Variants in MYH10 observed in about 807,000 individuals in gnomAD.
MYH10 encodes the protein myosin heavy chain 10.
Under a neutral mutation model 257.8 loss-of-function variants are expected in MYH10, and 55 were observed. That is an observed-to-expected ratio of 0.21 (90% CI 0.17 to 0.27). MYH10 has a LOEUF of 0.27. Ranked by LOEUF, MYH10 falls within the 10% of genes least tolerant of loss-of-function variation. MYH10 has a pLI of 1.00. For missense variants in MYH10, 1,631 were observed against 2,500.6 expected (o/e 0.65, Z 7.42); for synonymous variants, 854 against 921.7 (o/e 0.93, Z 1.33).
intron 7 of MYH10, among the ~76,000 whole-genome samples, chr17:8,558,586 C>T (rs2082885420): frequency 6.6e-6 from 1 of 152,134 alleles, no homozygotes; most frequent in Admixed American, 6.5e-5. Flanking sequence ...TAAGTTGTAA[C>T]ATCTACTATG....
intron 3 of MYH10, among the ~76,000 whole-genome samples, chr17:8,598,563 AATTGTCT>A (rs759840004): frequency 2.0e-5 from 3 of 152,188 alleles, no homozygotes; most frequent in Non-Finnish European, 4.4e-5. Context: ...ATTAGCAAAA[AATTGTCT>A]ATTATCTATT....
chr17:8,571,719 C>T (rs539635997), intron 6 of MYH10, among the ~76,000 whole-genome samples: 13 of 152,060 alleles, frequency 8.5e-5, no homozygotes, highest in African/African-American at 3.1e-4. Flanking sequence ...GATCGCACCA[C>T]TGCACTCCAG....
At chr17:8,611,565 A>AAAAACAAAAC (rs539705620) in intron 2 of MYH10, among the ~76,000 whole-genome samples, 9 of 152,186 alleles carry the variant, frequency 5.9e-5, no homozygotes, top group African/African-American at 2.2e-4. Flanking sequence ...TCTAAAACTG[A>AAAAACAAAAC]AAAACAAAAC....
chr17:8,533,248 G>A (rs1372213759), intron 16 of MYH10, among the ~76,000 whole-genome samples: 1 of 152,144 alleles, frequency 6.6e-6, no homozygotes, highest in East Asian at 1.9e-4. Context: ...ACCTACTGAT[G>A]CTATTTATTC....
rs993916809 is a variant in MYH10 at position 8,552,532 on chromosome 17, C to A, written c.821-388G>T. On this transcript the variant is annotated intron_variant, in intron 8 of 42. Coordinates refer to ENST00000360416, the MANE Select transcript of MYH10 (RefSeq NM_001256012.3). The surrounding 1 kb of genome is among the most constrained non-coding windows in gnomAD (Gnocchi z 4.8). ...TAAGGCAGGAGAAGCTCTATAATACCAGATTAACACAATTTTATAAATAAG... is the reference window on the plus strand; with the variant it reads ...TAAGGCAGGAGAAGCTCTATAATACAAGATTAACACAATTTTATAAATAAG... 1.4e-4 allele frequency among the ~76,000 whole-genome samples: 21 copies of A among 152,022 alleles called. No homozygotes were observed. Among genetic ancestry groups the A allele is most frequent in the African/African-American group, 4.8e-4 (20 of 41,394 alleles).
chr17:8,585,308 C>CTATATA (rs1555610529), intron 4 of MYH10, among the ~76,000 whole-genome samples: 3 of 20,270 alleles, frequency 1.5e-4, no homozygotes, highest in African/African-American at 2.6e-4. Flanking sequence ...ATATATATAG[C>CTATATA]TACATATGGA....
intron 37 of MYH10, among the ~76,000 whole-genome samples, chr17:8,482,413 A>G (rs548699106): frequency 5.2e-4 from 79 of 152,348 alleles, no homozygotes; most frequent in Non-Finnish European, 7.8e-4. Flanking sequence ...ATCCTGGCAC[A>G]CAGGGCAGGG....
intron 2 of MYH10, among the ~76,000 whole-genome samples, chr17:8,611,544 C>G (rs2085039219): frequency 6.6e-6 from 1 of 151,944 alleles, no homozygotes; most frequent in Admixed American, 6.6e-5. Context: ...AGGAAAAACC[C>G]AAATGAAAAT....
chr17:8,546,480 A>C, intron 12 of MYH10, 64 bp downstream of exon 12: 1 of 1,328,870 alleles, frequency 7.5e-7, no homozygotes. Flanking sequence ...TGTCAATCAG[A>C]AGGCCAAATG....
intron 35 of MYH10, among the ~76,000 whole-genome samples, chr17:8,489,815 TAAAGTTTTAGACTAG>T: frequency 6.6e-6 from 1 of 152,118 alleles, no homozygotes; most frequent in South Asian, 2.1e-4. Flanking sequence ...ATTTTTAAAG[TAAAGTTTTAGACTAG>T]AAATTTAACA....
chr17:8,608,155 G>A (rs1363596797), intron 2 of MYH10, among the ~76,000 whole-genome samples: 1 of 152,210 alleles, frequency 6.6e-6, no homozygotes, highest in Non-Finnish European at 1.5e-5. Flanking sequence ...TTCGGATTTT[G>A]TCATCTATGG....
Position 8,569,659 on chromosome 17 carries a change from C to A in MYH10, c.756+61G>T. 8.5e-7 allele frequency: 1 copy of A among 1,179,324 alleles called. No individual in the cohort carries two copies. Among genetic ancestry groups the A allele is most frequent in the Middle Eastern group, 2.7e-4 (1 of 3,738 alleles). 73.1% of individuals were successfully genotyped at this position (1,179,324 alleles called of 1,614,324 possible). On this transcript the variant is annotated intron_variant, in intron 7 of 42. Transcript: ENST00000360416. The surrounding 1 kb of genome is among the most constrained non-coding windows in gnomAD (Gnocchi z 4.1). Reference sequence around the variant, plus strand: ...AAGAAAAGTAATTCATTTGCTTAATCACAGTAAACATTTAACTAGAAATCT... The same window carrying A: ...AAGAAAAGTAATTCATTTGCTTAATAACAGTAAACATTTAACTAGAAATCT...
chr17:8,618,604 C>T (rs964665609), intron 2 of MYH10, among the ~76,000 whole-genome samples: 1 of 152,204 alleles, frequency 6.6e-6, no homozygotes, highest in Non-Finnish European at 1.5e-5. Flanking sequence ...GTGAACTTCT[C>T]ATATTCCACT....
rs1439347701 is a variant in MYH10 at position 8,588,950 on chromosome 17, A to C, written c.530+131T>G. On this transcript the variant is annotated intron_variant, in intron 4 of 42. Coordinates refer to ENST00000360416, the MANE Select transcript of MYH10 (RefSeq NM_001256012.3). The stretch of plus-strand genomic sequence containing the variant: ...AAGCAACTTACATAATCTTAGTCTT[A>C]AAATAACTGCGAGGTTTACATCAAA... The C allele has an allele frequency of 4.7e-6, 4 of 858,104 alleles. No homozygotes were observed. In the African/African-American group the frequency reaches 6.9e-5, roughly 15 times the overall value. The allele number at this position is 858,104 out of a possible 1,614,324, so 53.2% of individuals were successfully genotyped here.
In MYH10 at chr17:8,549,240, T is replaced by A. The variant is rs542242110; in HGVS notation, c.920-453A>T. On this transcript the variant is annotated intron_variant, in intron 9 of 42. Transcript: ENST00000360416. ...GTGAATATGAAAACTACCATGGACA[T>A]AAGCTAAAGATACAGTGATGTGGAC... Among the ~76,000 whole-genome samples the A allele has an allele frequency of 2.0e-5, 3 of 152,298 alleles. No homozygotes were observed. In the East Asian group the frequency reaches 5.8e-4, roughly 29 times the overall value.
chr17:8,553,249 T>C (rs943502862), intron 8 of MYH10, among the ~76,000 whole-genome samples: 5 of 152,186 alleles, frequency 3.3e-5, no homozygotes, highest in African/African-American at 7.2e-5. Flanking sequence ...GTGAGTCCAT[T>C]TGGAGGCATA....
intron 16 of MYH10, among the ~76,000 whole-genome samples, chr17:8,534,977 G>A (rs553855235): frequency 6.6e-6 from 1 of 152,374 alleles, no homozygotes; most frequent in South Asian, 2.1e-4. Context: ...GCCACTGGGT[G>A]TCGCGGCGGG....
chr17:8,544,767 C>T (rs1051474468), intron 13 of MYH10, among the ~76,000 whole-genome samples: 8 of 152,078 alleles, frequency 5.3e-5, no homozygotes, highest in African/African-American at 1.9e-4. Flanking sequence ...CCTGAAACAC[C>T]GTAGCAGGTG....
At chr17:8,496,826 A>G (rs1916711852) in intron 30 of MYH10, among the ~76,000 whole-genome samples, 1 of 152,210 alleles carries the variant, frequency 6.6e-6, no homozygotes, top group Non-Finnish European at 1.5e-5. Flanking sequence ...TTTCCTGAAC[A>G]ATAAGGGTGG....
Sources: gnomAD v4.1 joint callset for allele counts (sites outside exome capture counted in the v4.1 genomes callset) on GRCh38, gnomAD v4.1.1 for gene constraint, Gnocchi (gnomAD v3.1) non-coding constraint, MANE v1.5 for transcripts, NCBI Gene and HGNC (gene_info 2026-07-23, HGNC 2026-07-21) for gene names.